The following ROBO2 variants were observed in gnomAD, a reference collection of about 807,000 sequenced individuals.
ROBO2 encodes the protein roundabout homolog 2.
ROBO2 carries 53 observed loss-of-function variants against 160.8 expected under a neutral mutation model. That is an observed-to-expected ratio of 0.33 (90% CI 0.26 to 0.41). ROBO2 has a LOEUF of 0.41. Among genes scored for constraint, ROBO2 ranks in the 10% least tolerant of loss-of-function variants. The pLI is 1.00. For synonymous variants in ROBO2, 664 were observed against 611.7 expected, an observed-to-expected ratio of 1.09 and a Z score of -1.26; for missense variants, 1,577 against 1,722.4, an observed-to-expected ratio of 0.92 and a Z score of 1.49.
At chr3:76,580,317 GT>G (rs1329634324) in intron 2 of ROBO2, among the ~76,000 whole-genome samples, 13 of 38,864 alleles carry the variant, frequency 3.3e-4, no homozygotes, top group East Asian at 8.0e-4. Context: ...CCCAACCCCT[GT>G]TTTTTTTTTG....
At chr3:76,494,580 G>A (rs928872133) in intron 2 of ROBO2, among the ~76,000 whole-genome samples, 1 of 152,144 alleles carries the variant, frequency 6.6e-6, no homozygotes, top group Non-Finnish European at 1.5e-5. Context: ...GGTATAGGGA[G>A]GAGATCTTCC....
intron 24 of ROBO2, among the ~76,000 whole-genome samples, chr3:77,640,144 C>G (rs892764273): frequency 9.0e-6 from 1 of 110,846 alleles, no homozygotes; most frequent in Non-Finnish European, 1.7e-5. Flanking sequence ...CGGAGTCTCG[C>G]TCTATCCGCC....
Position 75,948,174 on chromosome 3 carries a change from T to C in ROBO2, c.109+10572T>C, listed in dbSNP as rs553935627. Among the ~76,000 whole-genome samples the C allele has an allele frequency of 1.4e-4, 22 of 152,234 alleles. No homozygotes were observed. The South Asian group carries it at 3.7e-3, about 26-fold the overall frequency. On this transcript the variant is annotated intron_variant, in intron 2 of 26. Coordinates refer to the ROBO2 transcript ENST00000487694. ...GGAATAAGGATCTAGCTGTTGTGTTTAGTGGACTTTTATCAGTCTTTTTGT... is the reference window on the plus strand; with the variant it reads ...GGAATAAGGATCTAGCTGTTGTGTTCAGTGGACTTTTATCAGTCTTTTTGT...
intron 2 of ROBO2, among the ~76,000 whole-genome samples, chr3:76,057,256 C>G (rs1008143929): frequency 1.3e-5 from 2 of 152,084 alleles, no homozygotes; most frequent in Non-Finnish European, 2.9e-5. Flanking sequence ...TGCTGGAGTT[C>G]CTTAAAGTCA....
chr3:76,686,526 C>T (rs997042316), intron 2 of ROBO2, among the ~76,000 whole-genome samples: 5 of 148,484 alleles, frequency 3.4e-5, no homozygotes, highest in African/African-American at 1.1e-4. Context: ...ATAAATATAC[C>T]AGTTTTTAAA....
intron 2 of ROBO2, among the ~76,000 whole-genome samples, chr3:76,059,223 A>C (rs1179551060): frequency 6.6e-6 from 1 of 151,686 alleles, no homozygotes; most frequent in African/African-American, 2.4e-5. Flanking sequence ...AGGAATCGCC[A>C]CACTGACTTC....
intron 2 of ROBO2, among the ~76,000 whole-genome samples, chr3:77,316,204 A>G (rs899091941): frequency 6.6e-6 from 1 of 152,138 alleles, no homozygotes; most frequent in Admixed American, 6.6e-5. Context: ...GCTTCATCAC[A>G]TCCACCTTCT....
At chr3:76,368,371 G>T (rs2075938551) in intron 2 of ROBO2, among the ~76,000 whole-genome samples, 3 of 151,932 alleles carry the variant, frequency 2.0e-5, no homozygotes, top group Admixed American at 2.0e-4. Context: ...GATTTTGTGG[G>T]TAAGGATTCA....
chr3:77,070,735 T>C (rs944515604), intron 1 of ROBO2, among the ~76,000 whole-genome samples: 7 of 152,110 alleles, frequency 4.6e-5, no homozygotes, highest in African/African-American at 1.7e-4. Flanking sequence ...GTTCTAAATA[T>C]AAAGAAAATT....
intron 7 of ROBO2, among the ~76,000 whole-genome samples, chr3:77,549,463 G>C (rs1317528012): frequency 6.6e-6 from 1 of 151,916 alleles, no homozygotes; most frequent in Non-Finnish European, 1.5e-5. Context: ...AAAATGTCTA[G>C]CCTTATATAA....
exon 2 of ROBO2, chr3:77,098,133 A>G: frequency 6.2e-7 from 1 of 1,614,176 alleles, no homozygotes; most frequent in Non-Finnish European, 8.5e-7. Context: ...GCCAACGCCC[A>G]CCATTGAGTG....
intron 2 of ROBO2, among the ~76,000 whole-genome samples, chr3:76,567,677 A>G (rs2084654554): frequency 7.4e-6 from 1 of 135,510 alleles, no homozygotes; most frequent in Non-Finnish European, 1.6e-5. Context: ...ATATACATAT[A>G]TATGTATATA....
intron 2 of ROBO2, among the ~76,000 whole-genome samples, chr3:76,232,434 C>G (rs1275825051): frequency 6.6e-6 from 1 of 152,148 alleles, no homozygotes; most frequent in East Asian, 1.9e-4. Context: ...CGTATTTGAA[C>G]CTGTAATCAT....
intron 1 of ROBO2, among the ~76,000 whole-genome samples, chr3:77,077,617 A>T (rs952027492): frequency 6.6e-6 from 1 of 152,170 alleles, no homozygotes; most frequent in African/African-American, 2.4e-5. Flanking sequence ...GGAAGCTGGG[A>T]CCTTGGTCCG....
At chr3:77,541,770 T>G (rs1022990316) in intron 6 of ROBO2, among the ~76,000 whole-genome samples, 2 of 152,230 alleles carry the variant, frequency 1.3e-5, no homozygotes, top group African/African-American at 4.8e-5. Context: ...ATTTTTCCAA[T>G]GCTTTCAGGT....
chr3:77,636,297 A>G (rs1007572950), intron 24 of ROBO2, among the ~76,000 whole-genome samples: 1 of 152,078 alleles, frequency 6.6e-6, no homozygotes, highest in Non-Finnish European at 1.5e-5. Flanking sequence ...CTGCAGCTAT[A>G]AGAAAAGTAG....
At chr3:76,307,542 T>C (rs569681446) in intron 2 of ROBO2, among the ~76,000 whole-genome samples, 1 of 151,328 alleles carries the variant, frequency 6.6e-6, no homozygotes, top group East Asian at 2.0e-4. Flanking sequence ...TTCCCATTTA[T>C]AGACCTCTGT....
At chr3:77,315,454 T>C (rs1338259278) in intron 2 of ROBO2, among the ~76,000 whole-genome samples, 2 of 152,194 alleles carry the variant, frequency 1.3e-5, no homozygotes, top group Non-Finnish European at 2.9e-5. Flanking sequence ...GCTGGTGAAG[T>C]TGATTCCTTT....
intron 2 of ROBO2, among the ~76,000 whole-genome samples, chr3:76,454,035 A>G (rs191759487): frequency 9.9e-5 from 15 of 152,254 alleles, no homozygotes; most frequent in African/African-American, 3.6e-4. Context: ...TGTTTCTCCA[A>G]AGACACTAAA....
Sources: gnomAD v4.1 joint callset for allele counts (sites outside exome capture counted in the v4.1 genomes callset) on GRCh38, gnomAD v4.1.1 for gene constraint, MANE v1.5 for transcripts, NCBI Gene and HGNC (gene_info 2026-07-23, HGNC 2026-07-21) for gene names.